Variants in PCDH11X observed in about 807,000 individuals in gnomAD.
PCDH11X encodes protocadherin 11 X-linked.
A neutral mutation model predicts 53.3 loss-of-function variants in PCDH11X; 18 were observed. The observed-to-expected ratio is 0.34, with a 90% confidence interval of 0.23 to 0.50. PCDH11X has a LOEUF of 0.50. Ranked by LOEUF, PCDH11X falls within the 20% of genes least tolerant of loss-of-function variation. PCDH11X has a pLI of 0.98. For missense variants in PCDH11X, 570 were observed against 1,032.4 expected, an observed-to-expected ratio of 0.55 and a Z score of 6.14; for synonymous variants, 279 against 393.3, an observed-to-expected ratio of 0.71 and a Z score of 3.44.
intron 10 of PCDH11X, among the ~76,000 whole-genome samples, chrX:92,556,783 T>C (rs1294535336): frequency 1.9e-5 from 2 of 106,043 alleles, no homozygotes; most frequent in African/African-American, 6.9e-5. Flanking sequence ...GTGTGAGGGC[T>C]CCAATTTCAC....
At position 92,524,977 on chromosome X, in the gene PCDH11X, G is replaced by A. The variant is rs1437401568; in HGVS notation, c.3367+56655G>A. ...CTCTGACAGTTGGGAACACCTAAATGTTTTCCCTACTCAGTTAATATAAAA... is the reference window on the plus strand; with the variant it reads ...CTCTGACAGTTGGGAACACCTAAATATTTTCCCTACTCAGTTAATATAAAA... On this transcript the variant is annotated intron_variant, in intron 10 of 10. Transcript: ENST00000682573. Among the ~76,000 whole-genome samples, 5 of 111,144 alleles carry A rather than the reference G, an allele frequency of 4.5e-5. No individual in the cohort carries two copies. In the Admixed American group the frequency reaches 4.8e-4, roughly 11 times the overall value.
At chrX:92,271,765 G>A (rs1384329459) in intron 8 of PCDH11X, among the ~76,000 whole-genome samples, 1 of 112,051 alleles carries the variant, frequency 8.9e-6, no homozygotes, top group Admixed American at 9.5e-5. Flanking sequence ...TTGCAATGAT[G>A]CTGGCTTTCC....
intron 6 of PCDH11X, among the ~76,000 whole-genome samples, chrX:92,047,129 C>T (rs1222791238): frequency 3.8e-5 from 3 of 78,002 alleles, no homozygotes; most frequent in Non-Finnish European, 4.2e-5. Context: ...GTAATAATAC[C>T]GTACATTTTA....
At chrX:92,605,659 G>C (rs1252208521) in intron 10 of PCDH11X, among the ~76,000 whole-genome samples, 1 of 111,611 alleles carries the variant, frequency 9.0e-6, no homozygotes, top group Admixed American at 9.5e-5. Context: ...ATTAAAAATT[G>C]AGTGTATTTC....
chrX:91,939,906 A>G (rs2061488058), intron 6 of PCDH11X, among the ~76,000 whole-genome samples: 1 of 110,433 alleles, frequency 9.1e-6, no homozygotes, highest in South Asian at 3.8e-4. Context: ...GAATAACACT[A>G]CAAATGATCA....
chrX:91,951,584 C>T (rs189432177), intron 6 of PCDH11X, among the ~76,000 whole-genome samples: 4,390 of 99,700 alleles, frequency 0.044, 249 homozygotes, highest in African/African-American at 0.14. Flanking sequence ...TTCTCTGATG[C>T]ATCAACTATT....
At chrX:92,138,409 C>T (rs965105382) in intron 6 of PCDH11X, among the ~76,000 whole-genome samples, 81 of 109,600 alleles carry the variant, frequency 7.4e-4, no homozygotes, top group Non-Finnish European at 1.3e-3. Context: ...TTATTATTTT[C>T]CATAAATTAT....
intron 7 of PCDH11X, among the ~76,000 whole-genome samples, chrX:92,218,585 C>T (rs189619683): frequency 6.6e-4 from 73 of 110,384 alleles, no homozygotes; most frequent in African/African-American, 2.4e-3. Context: ...AGTCCAGGAC[C>T]AGATGGATTC....
At chrX:92,301,942 G>T (rs1423607415) in intron 8 of PCDH11X, among the ~76,000 whole-genome samples, 4 of 111,261 alleles carry the variant, frequency 3.6e-5, no homozygotes, top group African/African-American at 1.3e-4. Flanking sequence ...CCTGCTTTAG[G>T]AGCTGAGTGC....
chrX:92,385,584 T>A (rs867870150), intron 8 of PCDH11X, among the ~76,000 whole-genome samples: 1 of 108,207 alleles, frequency 9.2e-6, no homozygotes, highest in African/African-American at 3.4e-5. Context: ...CCTGTAATCC[T>A]AGCACTTTTG....
At position 92,384,924 on chromosome X, in the gene PCDH11X, A is replaced by G. The variant is rs749521202; in HGVS notation, c.3145-2811A>G. 6.1e-5 allele frequency among the ~76,000 whole-genome samples: 6 copies of G among 97,825 alleles called. 1 individual carries two copies. In the East Asian group the frequency reaches 1.9e-3, roughly 31 times the overall value. 84.9% of individuals were successfully genotyped at this position (97,825 alleles called of 115,157 possible). On this transcript the variant is annotated intron_variant, in intron 8 of 10. Transcript: ENST00000682573. The stretch of plus-strand genomic sequence containing the variant: ...AGCTTTGGGAAAGGGCTGTTAGTGT[A>G]TTTGTTTTAAACTATAAACTAAGTT...
At chrX:92,175,101 A>G (rs1603110091) in intron 6 of PCDH11X, among the ~76,000 whole-genome samples, 2 of 110,241 alleles carry the variant, frequency 1.8e-5, no homozygotes, top group African/African-American at 3.3e-5. Flanking sequence ...TCAGCCTCCC[A>G]AGTAGCTGGG....
chrX:92,387,302 TCA>T (rs2071030408), intron 8 of PCDH11X, among the ~76,000 whole-genome samples: 1 of 112,156 alleles, frequency 8.9e-6, no homozygotes, highest in Non-Finnish European at 1.9e-5. Context: ...GTGTTATTAT[TCA>T]CAGTTTCAGC....
At chrX:92,307,104 A>C (rs2068848354) in intron 8 of PCDH11X, among the ~76,000 whole-genome samples, 1 of 111,015 alleles carries the variant, frequency 9.0e-6, no homozygotes, top group South Asian at 3.8e-4. Flanking sequence ...AATACTTACC[A>C]ACTCATTCTG....
rs761286777 is a variant in PCDH11X at position 92,584,148 on chromosome X, T to C, written c.3368-34116T>C. 6.3e-5 allele frequency among the ~76,000 whole-genome samples: 7 copies of C among 110,476 alleles called. No individual in the cohort carries two copies. The Admixed American group carries it at 6.8e-4, about 11-fold the overall frequency. The stretch of plus-strand genomic sequence containing the variant: ...ACTAAAACAGTGTCCAGAGTAAATA[T>C]TAAAACTTTAAATAATTATATTAGT... On this transcript the variant is annotated intron_variant, in intron 10 of 10. Coordinates refer to ENST00000682573, the MANE Select transcript of PCDH11X (RefSeq NM_032968.5).
At chrX:92,209,476 A>T (rs1296679108) in intron 7 of PCDH11X, among the ~76,000 whole-genome samples, 2 of 112,479 alleles carry the variant, frequency 1.8e-5, no homozygotes, top group East Asian at 5.6e-4. Context: ...AATTACCTTT[A>T]TACCATGTCT....
At chrX:91,901,157 T>A (rs1158221142) in intron 6 of PCDH11X, among the ~76,000 whole-genome samples, 2 of 110,849 alleles carry the variant, frequency 1.8e-5, no homozygotes, top group African/African-American at 6.6e-5. Flanking sequence ...CCAGGTTTGT[T>A]GTGTAAATTA....
chrX:92,575,932 T>TACACACACACACACACAC (rs1294124829), intron 10 of PCDH11X, among the ~76,000 whole-genome samples: 1 of 24,707 alleles, frequency 4.0e-5, no homozygotes, highest in African/African-American at 2.3e-4. Flanking sequence ...TATATATATA[T>TACACACACACACACACAC]ATATATATAT....
At chrX:92,089,559 G>A (rs1194339694) in intron 6 of PCDH11X, among the ~76,000 whole-genome samples, 1 of 108,547 alleles carries the variant, frequency 9.2e-6, no homozygotes, top group African/African-American at 3.4e-5. Context: ...TTTCACTCTT[G>A]TTGCCCAGGC....
Sources: allele counts gnomAD v4.1 joint callset (sites outside exome capture counted in the v4.1 genomes callset), GRCh38; gene constraint gnomAD v4.1.1; transcripts MANE v1.5; gene names NCBI Gene and HGNC (gene_info 2026-07-23, HGNC 2026-07-21).